Variants in TENM4 observed in about 807,000 individuals in gnomAD.
The protein encoded by TENM4 is teneurin transmembrane protein 4.
In TENM4, 82 loss-of-function variants were observed where a neutral mutation model predicts 243.3. That is an observed-to-expected ratio of 0.34 (90% confidence interval 0.28 to 0.40). TENM4 has a LOEUF of 0.40. Among genes scored for constraint, TENM4 ranks in the 10% least tolerant of loss-of-function variants. The pLI is 1.00. For missense variants in TENM4, 3,138 were observed against 3,673.3 expected, an observed-to-expected ratio of 0.85 and a Z score of 3.77; for synonymous variants, 1,412 against 1,456.3, an observed-to-expected ratio of 0.97 and a Z score of 0.69.
intron 6 of TENM4, among the ~76,000 whole-genome samples, chr11:79,034,137 C>T (rs1218513800): frequency 6.6e-6 from 1 of 152,202 alleles, no homozygotes; most frequent in Non-Finnish European, 1.5e-5. Context: ...TTTTTGCAAA[C>T]TGCAGAGCGA....
At chr11:78,917,760 C>T (rs1437541265) in intron 6 of TENM4, among the ~76,000 whole-genome samples, 2 of 152,132 alleles carry the variant, frequency 1.3e-5, no homozygotes, top group Admixed American at 6.5e-5. Flanking sequence ...CAAGAGTCCT[C>T]GGACATAGGT....
intron 4 of TENM4, among the ~76,000 whole-genome samples, chr11:79,123,479 A>G (rs912086586): frequency 1.9e-4 from 29 of 152,244 alleles, no homozygotes; most frequent in African/African-American, 6.5e-4. Context: ...TCAGAGGAAA[A>G]AGGCCCTACA....
At chr11:79,357,576 C>T (rs1431276110) in intron 1 of TENM4, among the ~76,000 whole-genome samples, 1 of 152,206 alleles carries the variant, frequency 6.6e-6, no homozygotes, top group East Asian at 1.9e-4. Context: ...CATGGTGGTA[C>T]CCCAACCTGA....
intron 2 of TENM4, among the ~76,000 whole-genome samples, chr11:79,259,658 TATCC>T (rs10534484): frequency 0.51 from 74,534 of 145,022 alleles, 19,059 homozygotes; most frequent in East Asian, 0.58. Flanking sequence ...TCCATCCATC[TATCC>T]ATCCATCCAT....
chr11:79,048,918 A>C (rs568694123), intron 6 of TENM4, among the ~76,000 whole-genome samples: 2 of 152,242 alleles, frequency 1.3e-5, no homozygotes, highest in Admixed American at 1.3e-4. Flanking sequence ...CGGTGCTTAG[A>C]ACCTCAGGGG....
intron 19 of TENM4, 195 bp downstream of exon 19, chr11:78,756,610 C>G: frequency 1.7e-6 from 1 of 593,168 alleles, no homozygotes; most frequent in East Asian, 3.0e-5. Context: ...ATAAAAATTC[C>G]AAACTCCTTG....
At chr11:79,217,511 T>G (rs912665472) in intron 2 of TENM4, among the ~76,000 whole-genome samples, 3 of 152,216 alleles carry the variant, frequency 2.0e-5, no homozygotes, top group Non-Finnish European at 4.4e-5. Context: ...TATTATAAGG[T>G]GAGGAATTGC....
At chr11:78,917,863 T>C (rs1856353395) in intron 6 of TENM4, among the ~76,000 whole-genome samples, 1 of 152,176 alleles carries the variant, frequency 6.6e-6, no homozygotes, top group African/African-American at 2.4e-5. Flanking sequence ...CCAAGTTACT[T>C]AGCTTTTCTT....
At position 79,110,817 on chromosome 11, in the gene TENM4, C is replaced by T. The variant is rs567527894; in HGVS notation, c.-66+37893G>A. On this transcript the variant is annotated intron_variant, in intron 4 of 33. Coordinates refer to ENST00000278550, the MANE Select transcript of TENM4 (RefSeq NM_001098816.3). ...AGAGATAGGCCCTTTGCCGGTAAAGCACCCGACCCTGCTCTCCCCGGCTAA... is the reference window on the plus strand; with the variant it reads ...AGAGATAGGCCCTTTGCCGGTAAAGTACCCGACCCTGCTCTCCCCGGCTAA... Among the ~76,000 whole-genome samples, 4 of 152,330 alleles carry T rather than the reference C, an allele frequency of 2.6e-5. No homozygotes were observed. In the East Asian group the frequency reaches 7.7e-4, roughly 29 times the overall value.
chr11:78,812,100 A>G, intron 14 of TENM4, 22 bp downstream of exon 14: 2 of 1,544,256 alleles, frequency 1.3e-6, no homozygotes, highest in Non-Finnish European at 8.8e-7. Flanking sequence ...AAGGTGCCGG[A>G]GCTGCCACCT....
chr11:79,194,046 G>T (rs147774309), intron 3 of TENM4, among the ~76,000 whole-genome samples: 1 of 151,764 alleles, frequency 6.6e-6, no homozygotes, highest in Non-Finnish European at 1.5e-5. Flanking sequence ...CATGGGGGCC[G>T]GTCTTTCCTG....
intron 6 of TENM4, among the ~76,000 whole-genome samples, chr11:78,923,843 CT>C (rs34116618): frequency 2.8e-4 from 40 of 142,760 alleles, no homozygotes; most frequent in African/African-American, 7.8e-4. Context: ...CCTCGCTATT[CT>C]TTTTTTTTTT....
chr11:79,287,975 C>T (rs777705118), intron 2 of TENM4, among the ~76,000 whole-genome samples: 16 of 152,178 alleles, frequency 1.1e-4, no homozygotes, highest in Non-Finnish European at 2.2e-4. Context: ...GAATAGGGGC[C>T]TCAGTGGGAA....
chr11:78,658,810 G>A lies in TENM4; in HGVS notation c.7558C>T (p.Leu2520Phe). The change falls in exon 34 of 34, where the codon CTC becomes TTC. Residue 2520 changes from leucine (L) to phenylalanine (F), a missense_variant. Leu to Phe is a conservative substitution (Grantham distance 22). Coordinates refer to ENST00000278550, the MANE Select transcript of TENM4 (RefSeq NM_001098816.3). Reference sequence around the variant, plus strand: ...TTCTGTACTTCACACTGTACCCCGAGGATAGACTGATGGGGGAGGAGAGTG... The same window carrying A: ...TTCTGTACTTCACACTGTACCCCGAAGATAGACTGATGGGGGAGGAGAGTG... ...TQEWDNSKSILGVQCEVQKQL... is the reference protein window; with the variant it reads ...TQEWDNSKSIFGVQCEVQKQL... 6.2e-7 allele frequency: 1 copy of A among 1,608,236 alleles called. No homozygotes were observed. Among genetic ancestry groups the A allele is most frequent in the Non-Finnish European group, 8.5e-7 (1 of 1,175,672 alleles).
intron 6 of TENM4, among the ~76,000 whole-genome samples, chr11:78,931,535 C>G (rs920683353): frequency 6.6e-6 from 1 of 152,228 alleles, no homozygotes; most frequent in Admixed American, 6.5e-5. Context: ...CCACTGATCT[C>G]ATAAGGAAGG....
At chr11:79,383,673 T>C (rs1410377792) in intron 1 of TENM4, among the ~76,000 whole-genome samples, 1 of 152,158 alleles carries the variant, frequency 6.6e-6, no homozygotes, top group African/African-American at 2.4e-5. Flanking sequence ...CTCCTGATCC[T>C]GTTTCTCTCT....
intron 18 of TENM4, among the ~76,000 whole-genome samples, chr11:78,760,570 G>GA (rs1388342281): frequency 7.2e-5 from 11 of 152,212 alleles, no homozygotes; most frequent in African/African-American, 2.4e-4. Context: ...CTTTTAGACT[G>GA]AGACTCTGAC....
intron 2 of TENM4, among the ~76,000 whole-genome samples, chr11:79,289,367 AT>A (rs1006296912): frequency 6.6e-6 from 1 of 152,192 alleles, no homozygotes; most frequent in Non-Finnish European, 1.5e-5. Flanking sequence ...TGAGACACTC[AT>A]TCCTCCAGCT....
intron 1 of TENM4, among the ~76,000 whole-genome samples, chr11:79,352,635 G>A (rs1857433074): frequency 6.6e-6 from 1 of 152,182 alleles, no homozygotes; most frequent in Admixed American, 6.5e-5. Flanking sequence ...CTGGGCAGGC[G>A]AGAGAGGCAA....
Sources: allele counts gnomAD v4.1 joint callset (sites outside exome capture counted in the v4.1 genomes callset), GRCh38; gene constraint gnomAD v4.1.1; transcripts MANE v1.5; gene names NCBI Gene and HGNC (gene_info 2026-07-23, HGNC 2026-07-21).